The following ZNF805 variants were observed in gnomAD, a reference collection of about 807,000 sequenced individuals.
ZNF805 encodes the protein CTC-444N24.8.
Under a neutral mutation model 13.6 loss-of-function variants are expected in ZNF805, and 7 were observed. The ratio of observed to expected loss-of-function variants is 0.51; its 90% CI spans 0.29 to 0.97. The LOEUF (loss-of-function observed/expected upper bound fraction) is 0.97. Ranked by LOEUF, ZNF805 falls within the 50% of genes least tolerant of loss-of-function variation. ZNF805 has a pLI of 0.08. For synonymous variants in ZNF805, 293 were observed against 279.8 expected, an observed-to-expected ratio of 1.05 and a Z score of -0.47; for missense variants, 604 against 771.0, an observed-to-expected ratio of 0.78 and a Z score of 2.57.
Position 57,240,760 on chromosome 19 carries a change from C to T in ZNF805, c.-132C>T. 1 of 807,926 alleles carries T rather than the reference C, an allele frequency of 1.2e-6. No homozygotes were observed. Among genetic ancestry groups the T allele is most frequent in the Non-Finnish European group, 1.9e-6 (1 of 528,452 alleles). The allele number at this position is 807,926 out of a possible 1,614,324, so 50.0% of individuals were successfully genotyped here. ...TCTCGGAGCGAACCGTGAGCCTCCC[C>T]GTAACGAGAGAGTTTGACTGTCAGC... On this transcript the variant is annotated 5_prime_UTR_variant, in exon 1 of 4. Transcript: ENST00000414468.
rs10415216 is a variant in ZNF805, at chr19:57,260,701, T to C, written c.*5998T>C. Among the ~76,000 whole-genome samples, 28,117 of 152,174 alleles carry C rather than the reference T, an allele frequency of 0.18. 2,717 individuals carry two copies. Among genetic ancestry groups the C allele is most frequent in the African/African-American group, 0.19 (8,011 of 41,504 alleles). On this transcript the variant is annotated 3_prime_UTR_variant, in exon 4 of 4. Coordinates refer to ENST00000414468, the MANE Select transcript of ZNF805 (RefSeq NM_001023563.4). The stretch of plus-strand genomic sequence containing the variant: ...AATTTGCGCTGAAGACACTTTACTC[T>C]CAATTATCTACAGTGTTTCCCTAAA...
At position 57,240,916 on chromosome 19, in the gene ZNF805, G is replaced by T; in HGVS notation, c.25G>T (p.Ala9Ser). The stretch of plus-strand genomic sequence containing the variant: ...TATGGCGATGGCTTTGACGGACCCG[G>T]CGCAGGTGAGTGGACAAGGTTTCGG... MAMALTDP[A>S]QVSVTFDDVA... The change falls in exon 1 of 4, where the codon GCG becomes TCG. Residue 9 changes from alanine (A) to serine (S), a missense_variant. By Grantham distance (99) the Ala-to-Ser change is moderately conservative (BLOSUM62 1). This residue lies in a region of ZNF805 where 327 missense variants were observed against 378.2 expected (regional missense o/e 0.86). Coordinates refer to ENST00000414468, the MANE Select transcript of ZNF805 (RefSeq NM_001023563.4). 1 of 1,559,484 alleles carries T rather than the reference G, an allele frequency of 6.4e-7. No homozygotes were observed. The highest frequency in any genetic ancestry group is 8.7e-7 in the Non-Finnish European group (1 of 1,152,024).
At chr19:57,243,780 C>G in intron 1 of ZNF805, 143 bp from the exon 2 acceptor site, 2 of 1,147,610 alleles carry the variant, frequency 1.7e-6, no homozygotes, top group Admixed American at 2.1e-5. Context: ...AAAGCAATGT[C>G]TGCCTTCCTC....
At chr19:57,244,870 C>T (rs1286111143) in intron 2 of ZNF805, among the ~76,000 whole-genome samples, 1 of 152,124 alleles carries the variant, frequency 6.6e-6, no homozygotes, top group African/African-American at 2.4e-5. Context: ...GTGTTTGAGG[C>T]AGCAAATGCT....
intron 1 of ZNF805, among the ~76,000 whole-genome samples, chr19:57,243,007 G>C (rs750995168): frequency 3.9e-5 from 6 of 152,158 alleles, no homozygotes; most frequent in Non-Finnish European, 8.8e-5. Flanking sequence ...GATCACTTGA[G>C]GCTAGGAGTT....
chr19:57,243,909 A>C lies in ZNF805; in HGVS notation c.31-14A>C. The C allele has an allele frequency of 6.2e-7, 1 of 1,613,974 alleles. No homozygotes were observed. Among genetic ancestry groups the C allele is most frequent in the Non-Finnish European group, 8.5e-7 (1 of 1,179,960 alleles). ...TCCCACAGCAAACTCTACTACCTCT[A>C]TTTGACATTTCAGGTGTCTGTGACC... On this transcript the variant is annotated splice_polypyrimidine_tract_variant and intron_variant, in intron 1 of 3. Transcript: ENST00000414468.
In ZNF805 at chr19:57,240,718, C is replaced by A. The variant is rs929567938; in HGVS notation, c.-174C>A. 3 of 573,034 alleles carry A rather than the reference C, an allele frequency of 5.2e-6. No individual in the cohort carries two copies. Among genetic ancestry groups the A allele is most frequent in the Non-Finnish European group, 9.0e-6 (3 of 333,870 alleles). 35.5% of individuals were successfully genotyped at this position (573,034 alleles called of 1,614,324 possible). ...CTGGGGAAATGAGCAGGTAGGAGGC[C>A]GACAGCGACCTCCGCGTCTCGGAGC... On this transcript the variant is annotated 5_prime_UTR_variant, in exon 1 of 4. Coordinates refer to ENST00000414468, the MANE Select transcript of ZNF805 (RefSeq NM_001023563.4).
intron 3 of ZNF805, among the ~76,000 whole-genome samples, chr19:57,249,811 G>T (rs1298242103): frequency 6.0e-5 from 9 of 151,004 alleles, no homozygotes; most frequent in South Asian, 2.1e-4. Flanking sequence ...GCTGCTGAGG[G>T]CACTGAGGCC....
At chr19:57,248,228 C>T (rs530699882) in intron 2 of ZNF805, among the ~76,000 whole-genome samples, 17 of 150,584 alleles carry the variant, frequency 1.1e-4, no homozygotes, top group Non-Finnish European at 2.4e-4. Context: ...AAAAAAAAGA[C>T]TTAGATAAGT....
chr19:57,246,858 G>C (rs1302449784), intron 2 of ZNF805, among the ~76,000 whole-genome samples: 1 of 151,966 alleles, frequency 6.6e-6, no homozygotes, highest in East Asian at 1.9e-4. Flanking sequence ...GTTCCAGGCA[G>C]TGTTCATGCT....
rs573485552 is a variant in ZNF805, at chr19:57,245,764, G to A, written c.157+1715G>A. 2.6e-5 allele frequency among the ~76,000 whole-genome samples: 4 copies of A among 151,354 alleles called. No homozygotes were observed. The East Asian group carries it at 7.8e-4, about 30-fold the overall frequency. ...ACTGCACTCCAGCCTGGGCGACAGA[G>A]CGAGACTCCATCTCAAAAAAAAAAA... On this transcript the variant is annotated intron_variant, in intron 2 of 3. Coordinates refer to ENST00000414468, the MANE Select transcript of ZNF805 (RefSeq NM_001023563.4).
rs1206374309 is a variant in ZNF805 at position 57,259,110 on chromosome 19, G to C, written c.*4407G>C. Among the ~76,000 whole-genome samples, 1 of 152,122 alleles carries C rather than the reference G, an allele frequency of 6.6e-6. No homozygotes were observed. Among genetic ancestry groups the C allele is most frequent in the Non-Finnish European group, 1.5e-5 (1 of 68,018 alleles). On this transcript the variant is annotated 3_prime_UTR_variant, in exon 4 of 4. Coordinates refer to ENST00000414468, the MANE Select transcript of ZNF805 (RefSeq NM_001023563.4). ...TTTGTTTTTTTTGTAGTGTTCAGAA[G>C]TTTGGTTATGAGGTGTGTGACATGG...
At chr19:57,241,895 C>T (rs976777367) in intron 1 of ZNF805, among the ~76,000 whole-genome samples, 1 of 152,174 alleles carries the variant, frequency 6.6e-6, no homozygotes, top group African/African-American at 2.4e-5. Flanking sequence ...CCCCTTCTCA[C>T]CTGCCCTTGG....
At position 57,261,598 on chromosome 19, in the gene ZNF805, G is replaced by T. The variant is rs1568492799; in HGVS notation, c.*6895G>T. ...TTTATTATTATTTTCAGTTCCCTCA[G>T]CGCGTTTACCACAAAGCTGTGCATA... On this transcript the variant is annotated 3_prime_UTR_variant, in exon 4 of 4. Coordinates refer to ENST00000414468, the MANE Select transcript of ZNF805 (RefSeq NM_001023563.4). 1 of 166,960 alleles carries T rather than the reference G, an allele frequency of 6.0e-6. No homozygotes were observed. The highest frequency in any genetic ancestry group is 1.5e-5 in the Non-Finnish European group (1 of 68,116). The allele number at this position is 166,960 out of a possible 1,614,324, so 10.3% of individuals were successfully genotyped here.
Position 57,259,731 on chromosome 19 carries a change from T to C in ZNF805, c.*5028T>C, listed in dbSNP as rs2087712552. On this transcript the variant is annotated 3_prime_UTR_variant, in exon 4 of 4. Transcript: ENST00000414468. ...CTGTGTTAGCCAGGATGGTCTCGAT[T>C]TCCTGATCTGGTGATCCACCTGCCT... Among the ~76,000 whole-genome samples, 1 of 152,162 alleles carries C rather than the reference T, an allele frequency of 6.6e-6. No individual in the cohort carries two copies. Among genetic ancestry groups the C allele is most frequent in the African/African-American group, 2.4e-5 (1 of 41,424 alleles).
In ZNF805 at chr19:57,254,933, G is replaced by T; in HGVS notation, c.*230G>T. On this transcript the variant is annotated 3_prime_UTR_variant, in exon 4 of 4. Coordinates refer to ENST00000414468, the MANE Select transcript of ZNF805 (RefSeq NM_001023563.4). ...GACATAGAAAAGAAAATGAAATGCA[G>T]ACACTGCTTTTATACTGTTGTCTTG... is the stretch of plus-strand genomic sequence containing the variant. 1 of 529,602 alleles carries T rather than the reference G, an allele frequency of 1.9e-6. No homozygotes were observed. Among genetic ancestry groups the T allele is most frequent in the South Asian group, 2.7e-5 (1 of 37,152 alleles). 32.8% of individuals were successfully genotyped at this position (529,602 alleles called of 1,614,324 possible).
Position 57,253,638 on chromosome 19 carries a change from C to T in ZNF805, c.819C>T (p.His273=). The change falls in exon 4 of 4, where the codon CAC becomes CAT. Residue 273 remains histidine, a synonymous_variant. Transcript: ENST00000414468. This position sits in a 1 kb window ranked among gnomAD's most constrained non-coding sequence, Gnocchi z 4.4. The stretch of plus-strand genomic sequence containing the variant: ...GGAAGGCTTTTAATCGGAAGTCACA[C>T]CTTACCCAGCACCAGCGGATTCACA... ...ECGKAFNRKS[H]LTQHQRIHSG... is the part of the protein sequence containing the mutation. 1.2e-6 allele frequency: 2 copies of T among 1,613,554 alleles called. No individual in the cohort carries two copies. Among genetic ancestry groups the T allele is most frequent in the Non-Finnish European group, 1.7e-6 (2 of 1,179,870 alleles).
intron 2 of ZNF805, among the ~76,000 whole-genome samples, chr19:57,244,857 G>A (rs921910965): frequency 6.6e-6 from 1 of 152,118 alleles, no homozygotes; most frequent in African/African-American, 2.4e-5. Context: ...GCCTCTGTGG[G>A]GCGTGTTTGA....
chr19:57,253,384 G>A lies in ZNF805; in HGVS notation c.565G>A (p.Gly189Arg). 2 of 1,560,826 alleles carry A rather than the reference G, an allele frequency of 1.3e-6. No individual in the cohort carries two copies. Among genetic ancestry groups the A allele is most frequent in the Non-Finnish European group, 1.7e-6 (2 of 1,152,038 alleles). Residue 189 changes from glycine (G) to arginine (R), a missense_variant, in exon 4 of 4, where the codon GGA becomes AGA. By Grantham distance (125) the Gly-to-Arg change is moderately radical (BLOSUM62 -2). Transcript: ENST00000414468. The surrounding 1 kb of genome is among the most constrained non-coding windows in gnomAD (Gnocchi z 4.4). ...TGATGTCCATGACTGTGACTCACAT[G>A]GATCAGGTAAAAATCCAGTTATTCA... ...GDDVHDCDSH[G>R]SGKNPVIQEE...
Sources: gnomAD v4.1 joint callset for allele counts (sites outside exome capture counted in the v4.1 genomes callset) on GRCh38, gnomAD v4.1.1 for gene constraint, gnomAD v4.1.1 regional missense constraint, Gnocchi (gnomAD v3.1) non-coding constraint, MANE v1.5 for transcripts, NCBI Gene and HGNC (gene_info 2026-07-23, HGNC 2026-07-21) for gene names.